Variants in DSCAM observed in about 807,000 individuals in gnomAD.
DSCAM encodes cell adhesion molecule DSCAM.
DSCAM carries 47 observed loss-of-function variants against 217.7 expected under a neutral mutation model. The ratio of observed to expected loss-of-function variants is 0.22; its 90% CI spans 0.17 to 0.28. The LOEUF is 0.28. Ranked by LOEUF, DSCAM falls within the 10% of genes least tolerant of loss-of-function variation. DSCAM has a pLI of 1.00. For synonymous variants in DSCAM, 1,056 were observed against 1,015.3 expected (o/e 1.04, Z -0.76); for missense variants, 2,080 against 2,618.3 (o/e 0.79, Z 4.49).
At chr21:40,094,220 T>C (rs1273785884) in intron 20 of DSCAM, among the ~76,000 whole-genome samples, 2 of 152,194 alleles carry the variant, frequency 1.3e-5, no homozygotes, top group Non-Finnish European at 2.9e-5. Context: ...ACAATGGTTC[T>C]AAAAGCATTG....
chr21:40,403,995 C>T (rs527854190), intron 3 of DSCAM, among the ~76,000 whole-genome samples: 12 of 152,260 alleles, frequency 7.9e-5, no homozygotes, highest in South Asian at 6.2e-4. Flanking sequence ...CAGCATTGTG[C>T]CAAGAAACTG....
intron 1 of DSCAM, among the ~76,000 whole-genome samples, chr21:40,832,114 C>CAAATAT (rs2092016057): frequency 2.0e-5 from 3 of 152,058 alleles, no homozygotes; most frequent in African/African-American, 7.2e-5. Flanking sequence ...ATTAAAAATA[C>CAAATAT]CCATTTGACT....
intron 3 of DSCAM, among the ~76,000 whole-genome samples, chr21:40,639,158 A>C (rs1181213041): frequency 1.3e-5 from 2 of 151,968 alleles, no homozygotes; most frequent in Non-Finnish European, 2.9e-5. Context: ...GTCTGATGAT[A>C]AAGCACAGGA....
intron 1 of DSCAM, among the ~76,000 whole-genome samples, chr21:40,731,300 A>C (rs1480598819): frequency 6.6e-6 from 1 of 152,242 alleles, no homozygotes; most frequent in Non-Finnish European, 1.5e-5. Flanking sequence ...GTTAACAAGA[A>C]GACAATTTCA....
At chr21:40,198,129 T>C (rs1050169573) in intron 11 of DSCAM, among the ~76,000 whole-genome samples, 3 of 152,170 alleles carry the variant, frequency 2.0e-5, no homozygotes, top group African/African-American at 7.2e-5. Context: ...GCCTATTGCA[T>C]ATTTGTAGAA....
chr21:40,410,759 C>CCAA (rs368950873), intron 3 of DSCAM, among the ~76,000 whole-genome samples: 2 of 142,620 alleles, frequency 1.4e-5, no homozygotes, highest in Non-Finnish European at 1.5e-5. Flanking sequence ...CTATACAGTA[C>CCAA]AAAAAAAAAA....
intron 3 of DSCAM, among the ~76,000 whole-genome samples, chr21:40,623,805 G>T (rs560191302): frequency 3.3e-5 from 5 of 152,168 alleles, no homozygotes; most frequent in African/African-American, 9.6e-5. Context: ...ACTTGCCTAC[G>T]GATAGTGGTG....
chr21:40,730,555 T>C (rs1266367730), intron 1 of DSCAM, among the ~76,000 whole-genome samples: 5 of 152,328 alleles, frequency 3.3e-5, no homozygotes, highest in Non-Finnish European at 5.9e-5. Flanking sequence ...TGTTCTAAGA[T>C]TTTATAAGCA....
chr21:40,057,234 C>T (rs79055915), intron 28 of DSCAM, among the ~76,000 whole-genome samples: 5,448 of 152,298 alleles, frequency 0.036, 164 homozygotes, highest in African/African-American at 0.078. Flanking sequence ...TTTGTCCTGA[C>T]TTTTCACATG....
intron 2 of DSCAM, among the ~76,000 whole-genome samples, chr21:40,705,877 T>C (rs2090709934): frequency 6.6e-6 from 1 of 152,168 alleles, no homozygotes; most frequent in South Asian, 2.1e-4. Context: ...GCAAAAGTCC[T>C]AGTCAAATGT....
Position 40,563,574 on chromosome 21 carries a change from GTTATATGT to G in DSCAM, c.508+129228_508+129235del, listed in dbSNP as rs886516590. On this transcript the variant is annotated intron_variant, in intron 3 of 32. Transcript: ENST00000400454. ...ATATATGTTTATATGTTTATATATA[GTTATATGT>G]TTATATGTTTATATGTTATATATAT... is the stretch of plus-strand genomic sequence containing the variant. Among the ~76,000 whole-genome samples the G allele has an allele frequency of 6.9e-4, 68 of 97,934 alleles. 1 individual carries two copies. Among genetic ancestry groups the G allele is most frequent in the South Asian group, 1.1e-3 (3 of 2,844 alleles). 64.2% of individuals were successfully genotyped at this position (97,934 alleles called of 152,430 possible). A position where few individuals can be genotyped will look rare whatever the true frequency, so the allele number is the denominator to read the frequency against.
chr21:40,846,532 AC>A, intron 1 of DSCAM, 86 bp downstream of exon 1: 1 of 444,396 alleles, frequency 2.3e-6, no homozygotes. Flanking sequence ...AGAAGACTTT[AC>A]CCATGCATCC....
In DSCAM at chr21:40,295,982, A is replaced by G. The variant is rs28581227; in HGVS notation, c.2182+73T>C. On this transcript the variant is annotated intron_variant, in intron 10 of 32. Coordinates refer to ENST00000400454, the MANE Select transcript of DSCAM (RefSeq NM_001389.5). ...TTGCAAGAAACTTCTCTGGAAATCT[A>G]GAAATGCTTATCTAATCCTTTAGAA... The G allele has an allele frequency of 0.021, 31,452 of 1,522,126 alleles. 2,343 individuals are homozygous for G. The East Asian group carries it at 0.22, about 11-fold the overall frequency. 94.3% of individuals were successfully genotyped at this position (1,522,126 alleles called of 1,614,324 possible).
intron 3 of DSCAM, among the ~76,000 whole-genome samples, chr21:40,503,605 T>C (rs2146040692): frequency 6.6e-6 from 1 of 152,302 alleles, no homozygotes; most frequent in East Asian, 1.9e-4. Context: ...TGATTTTCAG[T>C]GGGTTACCTT....
intron 18 of DSCAM, among the ~76,000 whole-genome samples, chr21:40,136,803 T>C (rs1441487803): frequency 2.0e-5 from 3 of 152,084 alleles, no homozygotes; most frequent in Non-Finnish European, 2.9e-5. Context: ...AATGCAACTC[T>C]TGAATCAGAC....
At chr21:40,357,861 T>TAAAAAAAAA (rs71186927) in intron 4 of DSCAM, among the ~76,000 whole-genome samples, 2 of 150,892 alleles carry the variant, frequency 1.3e-5, no homozygotes, top group African/African-American at 4.9e-5. Context: ...TAAAGTATAA[T>TAAAAAAAAA]AAAAAAAAAC....
chr21:40,312,503 C>A, intron 8 of DSCAM, 144 bp from the exon 9 acceptor site: 1 of 939,722 alleles, frequency 1.1e-6, no homozygotes, highest in East Asian at 2.7e-5. Context: ...ATTTGAAATT[C>A]TGCTTCTATT....
At chr21:40,434,409 A>G (rs1372192331) in intron 3 of DSCAM, among the ~76,000 whole-genome samples, 1 of 152,164 alleles carries the variant, frequency 6.6e-6, no homozygotes, top group African/African-American at 2.4e-5. Context: ...TTTCTTGAAA[A>G]ACAGATTATT....
intron 20 of DSCAM, among the ~76,000 whole-genome samples, chr21:40,116,972 A>G (rs557915540): frequency 6.2e-5 from 8 of 129,874 alleles, no homozygotes; most frequent in African/African-American, 2.3e-4. Context: ...ATTGCACTCC[A>G]GCCTGGGTGA....
Sources: gnomAD v4.1 joint callset for allele counts (sites outside exome capture counted in the v4.1 genomes callset) on GRCh38, gnomAD v4.1.1 for gene constraint, MANE v1.5 for transcripts, NCBI Gene and HGNC (gene_info 2026-07-23, HGNC 2026-07-21) for gene names.